CCL8: variants seen among roughly 807,000 people sequenced by gnomAD.
CCL8 encodes C-C motif chemokine ligand 8, also known as C-C motif chemokine 8.
A neutral mutation model predicts 6.6 loss-of-function variants in CCL8; 3 were observed. The observed-to-expected ratio is 0.45, with a 90% CI of 0.21 to 1.17. The LOEUF (loss-of-function observed/expected upper bound fraction) is 1.17, where lower values mean the gene tolerates loss of function less well. CCL8 is among the 50% of genes most tolerant of loss of function. CCL8 has a pLI of 0.24. For missense variants in CCL8, 127 were observed against 118.1 expected (o/e 1.08, Z -0.35); for synonymous variants, 49 against 41.8 (o/e 1.17, Z -0.67).
At chr17:34,319,742 C>T (rs1909465395) in intron 1 of CCL8, among the ~76,000 whole-genome samples, 165 bp downstream of exon 1, 2 of 152,224 alleles carry the variant, frequency 1.3e-5, no homozygotes, top group South Asian at 4.1e-4. Context: ...GGAGCCGCTA[C>T]AGCAACAACC....
intron 1 of CCL8, 73 bp downstream of exon 1, chr17:34,319,650 G>A (rs939598647): frequency 1.7e-6 from 2 of 1,181,686 alleles, no homozygotes; most frequent in East Asian, 2.4e-5. Flanking sequence ...AGCTCATTAG[G>A]AACAAAACCA....
intron 1 of CCL8, 42 bp downstream of exon 1, chr17:34,319,619 T>A (rs754816900): frequency 6.9e-7 from 1 of 1,439,214 alleles, no homozygotes; most frequent in Non-Finnish European, 9.8e-7. Flanking sequence ...AAAGAGGAAT[T>A]AAGAAGAGCC....
intron 1 of CCL8, 140 bp from the exon 2 acceptor site, chr17:34,320,128 AT>A: frequency 1.6e-6 from 1 of 622,766 alleles, no homozygotes. Flanking sequence ...CACAGGCAAC[AT>A]TTTATCTCTG....
chr17:34,320,148 A>G lies in CCL8; in HGVS notation c.77-121A>G. 4.5e-6 allele frequency: 3 copies of G among 671,108 alleles called. No individual in the cohort carries two copies. The South Asian group carries it at 5.3e-5, about 12-fold the overall frequency. 41.6% of individuals were successfully genotyped at this position (671,108 alleles called of 1,614,324 possible). ...GCAACATTTTATCTCTGGGATCTGG[A>G]CTAAGACACTGAACTTGGGATGGTG... On this transcript the variant is annotated intron_variant, in intron 1 of 2. Transcript: ENST00000394620.
intron 1 of CCL8, 54 bp from the exon 2 acceptor site, chr17:34,320,215 A>G: frequency 9.4e-7 from 1 of 1,066,798 alleles, no homozygotes; most frequent in South Asian, 1.3e-5. Context: ...TTCCTTACAA[A>G]TGCACACTTA....
intron 1 of CCL8, 41 bp from the exon 2 acceptor site, chr17:34,320,228 G>T: frequency 8.4e-7 from 1 of 1,183,526 alleles, no homozygotes. Context: ...CACACTTACG[G>T]TGGGTCCTAA....
Position 34,319,570 on chromosome 17 carries a change from T to C in CCL8, c.69T>C (p.Ala23=). 1 of 1,613,394 alleles carries C rather than the reference T, an allele frequency of 6.2e-7. No individual in the cohort carries two copies. Among genetic ancestry groups the C allele is most frequent in the Non-Finnish European group, 8.5e-7 (1 of 1,179,410 alleles). ...MAATFSPQGL[A]QPDSVSIPIT... ...CCACTTTCAGCCCTCAGGGACTTGC[T>C]CAGCCAGGTAAGACCTCTCCCTTTT... is the stretch of plus-strand genomic sequence containing the variant. The change falls in exon 1 of 3, where the codon GCT becomes GCC. Residue 23 remains alanine, a synonymous_variant. Coordinates refer to ENST00000394620, the MANE Select transcript of CCL8 (RefSeq NM_005623.3).
chr17:34,320,885 TA>T lies in CCL8; in HGVS notation c.279del (p.Gln95LysfsTer3). ...GATTCCATGAAGCATCTGGACCAAA[TA>T]TTTCAAAATCTGAAGCCATGAGCCT... ...VRDSMKHLDQ[I>X]FQNLKP On this transcript the variant is annotated frameshift_variant, in exon 3 of 3. Transcript: ENST00000394620. LOFTEE classifies it high-confidence loss of function. 6.2e-7 allele frequency: 1 copy of T among 1,608,778 alleles called. No individual in the cohort carries two copies. Among genetic ancestry groups the T allele is most frequent in the Non-Finnish European group, 8.5e-7 (1 of 1,177,554 alleles).
Position 34,320,333 on chromosome 17 carries a change from G to C in CCL8, c.141G>C (p.Arg47Ser). The change falls in exon 2 of 3, where the codon AGG becomes AGC. Residue 47 changes from arginine to serine, a missense_variant. Arg to Ser is a moderately radical substitution (Grantham distance 110, BLOSUM62 -1). Coordinates refer to ENST00000394620, the MANE Select transcript of CCL8 (RefSeq NM_005623.3). ...NVINRKIPIQ[R>S]LESYTRITNI... ...TCAATAGGAAAATTCCTATCCAGAGGCTGGAGAGCTACACAAGAATCACCA... is the reference window on the plus strand; with the variant it reads ...TCAATAGGAAAATTCCTATCCAGAGCCTGGAGAGCTACACAAGAATCACCA... 1 of 1,613,690 alleles carries C rather than the reference G, an allele frequency of 6.2e-7. No individual in the cohort carries two copies. The highest frequency in any genetic ancestry group is 1.1e-5 in the South Asian group (1 of 91,064).
In CCL8 at chr17:34,320,838, C is replaced by T. The variant is rs1909500904; in HGVS notation, c.231C>T (p.Asp77=). The T allele has an allele frequency of 1.2e-6, 2 of 1,611,074 alleles. No individual in the cohort carries two copies. Among genetic ancestry groups the T allele is most frequent in the South Asian group, 2.2e-5 (2 of 90,574 alleles). Residue 77 remains aspartate, a synonymous_variant, in exon 3 of 3, where the codon GAC becomes GAT. Transcript: ENST00000394620. ...AACGGGGCAAGGAGGTCTGTGCTGACCCCAAGGAGAGATGGGTCAGGGATT... is the reference window on the plus strand; with the variant it reads ...AACGGGGCAAGGAGGTCTGTGCTGATCCCAAGGAGAGATGGGTCAGGGATT... ...KTKRGKEVCA[D]PKERWVRDSM... is the part of the protein sequence containing the mutation.
At position 34,320,994 on chromosome 17, in the gene CCL8, T is replaced by G; in HGVS notation, c.*87T>G. On this transcript the variant is annotated 3_prime_UTR_variant, in exon 3 of 3. Transcript: ENST00000394620. ...CCCCCAGGTGCAGTGTGACATTATT[T>G]TATTATAACATCCACAAAGAGATTA... 1 of 697,204 alleles carries G rather than the reference T, an allele frequency of 1.4e-6. No individual in the cohort carries two copies. The highest frequency in any genetic ancestry group is 3.1e-5 in the Admixed American group (1 of 31,930). The allele number at this position is 697,204 out of a possible 1,614,324, so 43.2% of individuals were successfully genotyped here. A position where few individuals can be genotyped will look rare whatever the true frequency, so the allele number is the denominator to read the frequency against.
At chr17:34,319,634 T>A in intron 1 of CCL8, 57 bp downstream of exon 1, 1 of 1,312,376 alleles carries the variant, frequency 7.6e-7, no homozygotes, top group Non-Finnish European at 1.1e-6. Context: ...AGAGCCATTA[T>A]GTCACAGCTC....
At chr17:34,320,578 C>T (rs1269692572) in intron 2 of CCL8, among the ~76,000 whole-genome samples, 192 bp downstream of exon 2, 2 of 152,200 alleles carry the variant, frequency 1.3e-5, no homozygotes, top group African/African-American at 4.8e-5. Context: ...CTTGGTGAAA[C>T]TAACCCAATA....
Position 34,320,901 on chromosome 17 carries a change from G to A in CCL8, c.294G>A (p.Lys98=), listed in dbSNP as rs1413718723. 4 of 1,603,610 alleles carry A rather than the reference G, an allele frequency of 2.5e-6. No individual in the cohort carries two copies. The South Asian group carries it at 3.3e-5, about 13-fold the overall frequency. The change falls in exon 3 of 3, where the codon AAG becomes AAA. Residue 98 remains lysine (K), a synonymous_variant. Transcript: ENST00000394620. ...KHLDQIFQNL[K]P ...TGGACCAAATATTTCAAAATCTGAA[G>A]CCATGAGCCTTCATACATGGACTGA... is the stretch of plus-strand genomic sequence containing the variant.
At chr17:34,320,663 C>G in intron 2 of CCL8, 139 bp from the exon 3 acceptor site, 2 of 622,134 alleles carry the variant, frequency 3.2e-6, no homozygotes, top group Non-Finnish European at 5.7e-6. Context: ...CTTCCTCCCA[C>G]TCTTCCCCTC....
Position 34,320,946 on chromosome 17 carries a change from A to G in CCL8, c.*39A>G. On this transcript the variant is annotated 3_prime_UTR_variant, in exon 3 of 3. Transcript: ENST00000394620. ...GACTGAGAGTCAGAGCTTGAAGAAA[A>G]GCTTATTTATTTTCCCCAACCTCCC... 1 of 1,387,948 alleles carries G rather than the reference A, an allele frequency of 7.2e-7. No homozygotes were observed. Among genetic ancestry groups the G allele is most frequent in the Non-Finnish European group, 1.0e-6 (1 of 995,576 alleles). The allele number at this position is 1,387,948 out of a possible 1,614,324, so 86.0% of individuals were successfully genotyped here.
Position 34,321,239 on chromosome 17 carries a change from T to C in CCL8, c.*332T>C, listed in dbSNP as rs761371183. The C allele has an allele frequency of 8.3e-6, 2 of 241,792 alleles. No individual in the cohort carries two copies. The highest frequency in any genetic ancestry group is 1.6e-5 in the Non-Finnish European group (2 of 127,652). The allele number at this position is 241,792 out of a possible 1,614,324, so 15.0% of individuals were successfully genotyped here. ...TCTGTAGTGTTGTGGGGTCCTCCCA[T>C]GGATCATCAAGGTGAAACACTTTGG... On this transcript the variant is annotated 3_prime_UTR_variant, in exon 3 of 3. Coordinates refer to ENST00000394620, the MANE Select transcript of CCL8 (RefSeq NM_005623.3).
chr17:34,320,124 C>A (rs1909475115), intron 1 of CCL8, 145 bp from the exon 2 acceptor site: 1 of 616,528 alleles, frequency 1.6e-6, no homozygotes, highest in East Asian at 2.7e-5. Flanking sequence ...GACTCACAGG[C>A]AACATTTTAT....
chr17:34,320,394 G>A lies in CCL8; in HGVS notation c.194+8G>A, dbSNP rs763858195. The A allele has an allele frequency of 5.8e-6, 9 of 1,542,932 alleles. No individual in the cohort carries two copies. In the East Asian group the frequency reaches 1.6e-4, roughly 27 times the overall value. The stretch of plus-strand genomic sequence containing the variant: ...TCCCAAGGAAGCTGTGATGTGAGTG[G>A]ACAGTGCCTGGCACCCCCATTCAAA... On this transcript the variant is annotated splice_region_variant and intron_variant, in intron 2 of 2. Transcript: ENST00000394620.
Sources: gnomAD v4.1 joint callset for allele counts (sites outside exome capture counted in the v4.1 genomes callset) on GRCh38, gnomAD v4.1.1 for gene constraint, MANE v1.5 for transcripts, NCBI Gene and HGNC (gene_info 2026-07-23, HGNC 2026-07-21) for gene names.